The following WDR7 variants were observed in gnomAD, a reference collection of about 807,000 sequenced individuals.
WDR7 encodes WD repeat domain 7.
A neutral mutation model predicts 169.4 loss-of-function variants in WDR7; 46 were observed. The ratio of observed to expected loss-of-function variants is 0.27; its 90% CI spans 0.21 to 0.35. The LOEUF (loss-of-function observed/expected upper bound fraction) is 0.35, where lower values mean the gene tolerates loss of function less well. Ranked by LOEUF, WDR7 falls within the 10% of genes least tolerant of loss-of-function variation. The pLI is 1.00. For synonymous variants in WDR7, 612 were observed against 666.8 expected, an observed-to-expected ratio of 0.92 and a Z score of 1.27; for missense variants, 1,534 against 1,859.3, an observed-to-expected ratio of 0.83 and a Z score of 3.22.
At chr18:56,940,801 T>A (rs1056963236) in intron 25 of WDR7, among the ~76,000 whole-genome samples, 1 of 152,120 alleles carries the variant, frequency 6.6e-6, no homozygotes, top group African/African-American at 2.4e-5. Context: ...AGAAGCTTCC[T>A]GGAGTTAACA....
chr18:56,844,522 C>A (rs1401186021), intron 20 of WDR7, among the ~76,000 whole-genome samples: 1 of 152,120 alleles, frequency 6.6e-6, no homozygotes, highest in Non-Finnish European at 1.5e-5. Context: ...ATTCTTTTCA[C>A]ATGTAGTTTA....
chr18:56,667,734 T>A, intron 1 of WDR7, among the ~76,000 whole-genome samples: 1 of 152,332 alleles, frequency 6.6e-6, no homozygotes, highest in Non-Finnish European at 1.5e-5. Context: ...TCAGAATCCA[T>A]GTTGCATCCT....
At chr18:56,796,841 A>G (rs1368288417) in intron 19 of WDR7, among the ~76,000 whole-genome samples, 2 of 152,216 alleles carry the variant, frequency 1.3e-5, no homozygotes, top group Non-Finnish European at 2.9e-5. Context: ...TTAAATTAAA[A>G]TCACCTCCAA....
chr18:56,705,950 A>T (rs1350321438), intron 12 of WDR7, among the ~76,000 whole-genome samples: 2 of 152,198 alleles, frequency 1.3e-5, no homozygotes, highest in African/African-American at 2.4e-5. Flanking sequence ...GTGAGCTGAG[A>T]TTGCGCCACT....
chr18:56,926,472 G>A (rs1420525204), intron 22 of WDR7, among the ~76,000 whole-genome samples: 1 of 152,180 alleles, frequency 6.6e-6, no homozygotes, highest in African/African-American at 2.4e-5. Flanking sequence ...TGTTGCCTGG[G>A]AGGAGAAGTG....
chr18:57,007,577 C>T (rs2048080461), intron 26 of WDR7, among the ~76,000 whole-genome samples: 1 of 152,046 alleles, frequency 6.6e-6, no homozygotes, highest in South Asian at 2.1e-4. Context: ...AAAGGGTTAT[C>T]ATTTAAAAGT....
chr18:56,738,301 G>A (rs531922219), intron 14 of WDR7, among the ~76,000 whole-genome samples: 1 of 152,316 alleles, frequency 6.6e-6, no homozygotes, highest in South Asian at 2.1e-4. Context: ...CAGGCACGGT[G>A]GCTCATGCCT....
intron 16 of WDR7, among the ~76,000 whole-genome samples, chr18:56,760,862 A>G (rs1302254599): frequency 6.6e-6 from 1 of 152,170 alleles, no homozygotes; most frequent in East Asian, 1.9e-4. Context: ...CTGATGAGAT[A>G]CCCTAGCCAA....
intron 9 of WDR7, among the ~76,000 whole-genome samples, chr18:56,692,241 T>A (rs553683768): frequency 6.6e-6 from 1 of 152,266 alleles, no homozygotes; most frequent in East Asian, 1.9e-4. Flanking sequence ...CACAAAATCA[T>A]GTAGCATTTT....
chr18:56,687,138 A>C (rs1328185845), intron 7 of WDR7, among the ~76,000 whole-genome samples, 164 bp downstream of exon 7: 2 of 152,172 alleles, frequency 1.3e-5, no homozygotes, highest in African/African-American at 2.4e-5. Flanking sequence ...GGACTTGGCT[A>C]TATGTAGTTG....
intron 26 of WDR7, among the ~76,000 whole-genome samples, chr18:57,017,111 A>G (rs577689065): frequency 3.3e-5 from 5 of 152,230 alleles, no homozygotes; most frequent in Non-Finnish European, 5.9e-5. Context: ...CTAATGCCAG[A>G]GTAGAGGTTA....
At chr18:56,778,301 T>C (rs562559123) in intron 17 of WDR7, among the ~76,000 whole-genome samples, 1 of 152,308 alleles carries the variant, frequency 6.6e-6, no homozygotes, top group Admixed American at 6.5e-5. Flanking sequence ...GTCATTATTT[T>C]AAGAAGATTA....
In WDR7 at chr18:56,786,555, CAA is replaced by C. The variant is rs202099342; in HGVS notation, c.3190+4904_3190+4905del. 9.1e-4 allele frequency among the ~76,000 whole-genome samples: 137 copies of C among 150,572 alleles called. 5 individuals are homozygous for C. In the East Asian group the frequency reaches 0.023, roughly 25 times the overall value. On this transcript the variant is annotated intron_variant, in intron 19 of 27. Transcript: ENST00000254442. ...CAAAAAAAAAAACAAAACAAAGAAA[CAA>C]AAAAGAGTCAAGCCCTAATTGAGTA...
intron 20 of WDR7, among the ~76,000 whole-genome samples, chr18:56,825,072 G>T (rs1480163521): frequency 1.3e-5 from 2 of 152,276 alleles, no homozygotes; most frequent in East Asian, 1.9e-4. Context: ...TTCAAAGTCT[G>T]GGAATCCCTA....
chr18:56,695,115 G>A lies in WDR7; in HGVS notation c.1274G>A (p.Arg425His), dbSNP rs766058691. The change falls in exon 11 of 28, where the codon CGT becomes CAT. Residue 425 changes from arginine to histidine, a missense_variant. Transcript: ENST00000254442. The stretch of plus-strand genomic sequence containing the variant: ...GCACATGGACGACTTGTTTGTGGTC[G>A]TGAAGATGGAAGCATAGTTATTGTA... ...IPAHGRLVCG[R>H]EDGSIVIVPA... 67 of 1,613,984 alleles carry A rather than the reference G, an allele frequency of 4.2e-5. No individual in the cohort carries two copies. The highest frequency in any genetic ancestry group is 5.5e-5 in the Non-Finnish European group (65 of 1,180,020).
chr18:56,683,330 A>G (rs536542282), intron 5 of WDR7, among the ~76,000 whole-genome samples: 4 of 152,324 alleles, frequency 2.6e-5, no homozygotes, highest in African/African-American at 9.6e-5. Context: ...TGCTCAATAA[A>G]TATTATTATC....
At chr18:56,789,439 C>T (rs1007213417) in intron 19 of WDR7, among the ~76,000 whole-genome samples, 9 of 152,356 alleles carry the variant, frequency 5.9e-5, no homozygotes, top group South Asian at 2.1e-4. Context: ...TCCGCACAAG[C>T]GGTCCTCTAA....
chr18:56,867,171 C>G lies in WDR7; in HGVS notation c.3305-12773C>G, dbSNP rs368009562. On this transcript the variant is annotated intron_variant, in intron 20 of 27. Coordinates refer to ENST00000254442, the MANE Select transcript of WDR7 (RefSeq NM_015285.3). ...TCCTGAGCAGCTGAGACTGCAGGCA[C>G]TCACCACCACACCTGGCTAATTTTT... 3.9e-5 allele frequency among the ~76,000 whole-genome samples: 6 copies of G among 152,164 alleles called. No homozygotes were observed. In the East Asian group the frequency reaches 1.2e-3, roughly 29 times the overall value.
chr18:56,696,641 A>G (rs916717631), intron 12 of WDR7, 179 bp downstream of exon 12: 3 of 563,668 alleles, frequency 5.3e-6, no homozygotes, highest in African/African-American at 1.9e-5. Flanking sequence ...GCCACTAACT[A>G]TTGGGGCACA....
Sources: gnomAD v4.1 joint callset for allele counts (sites outside exome capture counted in the v4.1 genomes callset) on GRCh38, gnomAD v4.1.1 for gene constraint, MANE v1.5 for transcripts, NCBI Gene and HGNC (gene_info 2026-07-23, HGNC 2026-07-21) for gene names.